The following FRMD5 variants were observed in gnomAD, a reference collection of about 807,000 sequenced individuals.
FRMD5 encodes the protein FERM domain containing 5.
Under a neutral mutation model 69.0 loss-of-function variants are expected in FRMD5, and 20 were observed. The ratio of observed to expected loss-of-function variants is 0.29; its 90% CI spans 0.20 to 0.42. The LOEUF (loss-of-function observed/expected upper bound fraction) is 0.42, where lower values mean the gene tolerates loss of function less well. Ranked by LOEUF, FRMD5 falls within the 10% of genes least tolerant of loss-of-function variation. The probability of loss-of-function intolerance (pLI) is 1.00; values close to 1 mark genes in which losing one functional copy is unlikely to be tolerated. For missense variants in FRMD5, 595 were observed against 708.6 expected (o/e 0.84, Z 1.82); for synonymous variants, 271 against 260.1 (o/e 1.04, Z -0.40).
intron 1 of FRMD5, among the ~76,000 whole-genome samples, chr15:44,040,873 A>G (rs994311009): frequency 6.6e-6 from 1 of 151,942 alleles, no homozygotes; most frequent in Non-Finnish European, 1.5e-5. Context: ...AGACTGGCAA[A>G]TTGGATAAAG....
chr15:43,933,506 T>TG (rs1260851792), intron 1 of FRMD5, among the ~76,000 whole-genome samples: 2 of 152,328 alleles, frequency 1.3e-5, no homozygotes, highest in East Asian at 3.9e-4. Flanking sequence ...GTTGCTGGTC[T>TG]GGGGATTACT....
chr15:44,005,299 G>A (rs1367140749), intron 1 of FRMD5, among the ~76,000 whole-genome samples: 1 of 151,982 alleles, frequency 6.6e-6, no homozygotes, highest in Non-Finnish European at 1.5e-5. Context: ...TGGCCAACAT[G>A]GTGAAACCCC....
intron 1 of FRMD5, among the ~76,000 whole-genome samples, chr15:44,124,778 G>C (rs546592606): frequency 7.2e-5 from 11 of 152,114 alleles, no homozygotes; most frequent in Non-Finnish European, 1.6e-4. Flanking sequence ...AATCATCCAA[G>C]TATCCCTCAG....
intron 1 of FRMD5, among the ~76,000 whole-genome samples, chr15:44,066,174 T>C (rs1011415141): frequency 1.3e-5 from 2 of 152,180 alleles, no homozygotes. Flanking sequence ...GATGTAGGTG[T>C]CCAGGTTCTT....
Position 43,966,543 on chromosome 15 carries a change from T to C in FRMD5, c.103-42234A>G, listed in dbSNP as rs373532687. ...TTTAAGACTAAGAAAAGGGAGAGAT[T>C]ACATGGTCTGGAAGGGTTTAGGAAG... On this transcript the variant is annotated intron_variant, in intron 1 of 13. Coordinates refer to ENST00000417257, the MANE Select transcript of FRMD5 (RefSeq NM_032892.5). Among the ~76,000 whole-genome samples the C allele has an allele frequency of 2.3e-4, 35 of 152,202 alleles. No homozygotes were observed. In the East Asian group the frequency reaches 4.6e-3, roughly 20 times the overall value.
intron 1 of FRMD5, among the ~76,000 whole-genome samples, chr15:44,155,543 CA>C (rs962872458): frequency 3.9e-5 from 6 of 151,926 alleles, no homozygotes; most frequent in African/African-American, 1.5e-4. Flanking sequence ...ATTCCTTTAT[CA>C]AAAAAAGGGT....
chr15:44,118,319 G>A (rs1421934879), intron 1 of FRMD5, among the ~76,000 whole-genome samples: 1 of 152,120 alleles, frequency 6.6e-6, no homozygotes, highest in African/African-American at 2.4e-5. Flanking sequence ...ATCTTTAAAA[G>A]AATGTTCAGC....
At chr15:44,022,067 C>A (rs917096484) in intron 1 of FRMD5, among the ~76,000 whole-genome samples, 6 of 151,952 alleles carry the variant, frequency 3.9e-5, no homozygotes, top group African/African-American at 1.2e-4. Flanking sequence ...TATCTACTTA[C>A]ATGAGGTACA....
intron 1 of FRMD5, among the ~76,000 whole-genome samples, chr15:44,107,242 A>G (rs2076733221): frequency 6.6e-6 from 1 of 152,242 alleles, no homozygotes; most frequent in Non-Finnish European, 1.5e-5. Context: ...TAGAGAAAAT[A>G]GCTGAGGACA....
rs569496084 is a variant in FRMD5 at position 43,978,312 on chromosome 15, A to G, written c.103-54003T>C. Among the ~76,000 whole-genome samples the G allele has an allele frequency of 2.0e-5, 3 of 152,368 alleles. No individual in the cohort carries two copies. In the South Asian group the frequency reaches 6.2e-4, roughly 32 times the overall value. On this transcript the variant is annotated intron_variant, in intron 1 of 13. Coordinates refer to ENST00000417257, the MANE Select transcript of FRMD5 (RefSeq NM_032892.5). ...AAGAGATACAGCTACTGGAATGGCT[A>G]AAGTGAAAAAGACTGACCCTACCAA...
At chr15:43,958,841 G>A (rs969456900) in intron 1 of FRMD5, among the ~76,000 whole-genome samples, 2 of 152,080 alleles carry the variant, frequency 1.3e-5, no homozygotes, top group African/African-American at 2.4e-5. Context: ...GTTCTTTCCC[G>A]TGTGGTGGTC....
intron 1 of FRMD5, among the ~76,000 whole-genome samples, chr15:44,112,495 C>A (rs574826399): frequency 6.8e-5 from 10 of 147,844 alleles, no homozygotes; most frequent in Non-Finnish European, 1.5e-4. Flanking sequence ...TAGATGGAGT[C>A]TCGCTCTGTT....
rs528847538 is a variant in FRMD5, at chr15:43,886,701, G to A, written c.885-946C>T. ...GGAGACACCATCCCTGCCCGTCTCAGGGCTCCAGGACATCCGAGCTGCTTA... is the reference window on the plus strand; with the variant it reads ...GGAGACACCATCCCTGCCCGTCTCAAGGCTCCAGGACATCCGAGCTGCTTA... On this transcript the variant is annotated intron_variant, in intron 10 of 13. Transcript: ENST00000417257. Among the ~76,000 whole-genome samples the A allele has an allele frequency of 5.3e-5, 8 of 152,336 alleles. No homozygotes were observed. In the East Asian group the frequency reaches 1.5e-3, roughly 29 times the overall value.
chr15:44,025,536 A>G (rs1891395666), intron 1 of FRMD5, among the ~76,000 whole-genome samples: 2 of 152,338 alleles, frequency 1.3e-5, no homozygotes, highest in South Asian at 2.1e-4. Context: ...GTAAGTCAAC[A>G]TCAGAAGCAA....
chr15:43,945,771 A>G lies in FRMD5; in HGVS notation c.103-21462T>C, dbSNP rs532959825. On this transcript the variant is annotated intron_variant, in intron 1 of 13. Transcript: ENST00000417257. The stretch of plus-strand genomic sequence containing the variant: ...GCCCCCTGCCCCCCAGATCTTTTAA[A>G]AATGTCTTCCCCAGGTGGTGGCTCA... Among the ~76,000 whole-genome samples the G allele has an allele frequency of 1.2e-3, 181 of 152,270 alleles. 1 individual carries two copies. The highest frequency in any genetic ancestry group is 4.2e-3 in the African/African-American group (175 of 41,540).
intron 1 of FRMD5, among the ~76,000 whole-genome samples, chr15:44,105,086 C>CTTT (rs71299549): frequency 2.3e-4 from 31 of 136,912 alleles, no homozygotes; most frequent in Admixed American, 9.7e-4. Context: ...AAATTCTTTT[C>CTTT]TTTTTTTTTT....
chr15:43,906,891 G>A (rs889117598), intron 5 of FRMD5, among the ~76,000 whole-genome samples: 82 of 152,204 alleles, frequency 5.4e-4, no homozygotes, highest in African/African-American at 4.8e-4. Context: ...GTGAGCCACC[G>A]CACCCGGCCG....
chr15:44,087,522 A>G (rs1276616004), intron 1 of FRMD5, among the ~76,000 whole-genome samples: 1 of 152,144 alleles, frequency 6.6e-6, no homozygotes. Context: ...TTTTCCTGCA[A>G]TATTGAACTT....
intron 1 of FRMD5, among the ~76,000 whole-genome samples, chr15:44,102,614 G>T (rs1373172219): frequency 6.6e-6 from 1 of 152,170 alleles, no homozygotes; most frequent in Non-Finnish European, 1.5e-5. Context: ...GAAGATGGGA[G>T]GCTTTTCAGG....
Sources: allele counts gnomAD v4.1 joint callset (sites outside exome capture counted in the v4.1 genomes callset), GRCh38; gene constraint gnomAD v4.1.1; transcripts MANE v1.5; gene names NCBI Gene and HGNC (gene_info 2026-07-23, HGNC 2026-07-21).